The following GSK3A variants were observed in gnomAD, a reference collection of about 807,000 sequenced individuals.
GSK3A encodes the protein glycogen synthase kinase-3 alpha.
Under a neutral mutation model 56.6 loss-of-function variants are expected in GSK3A, and 14 were observed. The observed-to-expected ratio is 0.25, with a 90% CI of 0.16 to 0.39. The LOEUF (loss-of-function observed/expected upper bound fraction) is 0.39. Ranked by LOEUF, GSK3A falls within the 10% of genes least tolerant of loss-of-function variation. The probability of loss-of-function intolerance (pLI) is 1.00; values close to 1 mark genes in which losing one functional copy is unlikely to be tolerated. For missense variants in GSK3A, 450 were observed against 656.0 expected (o/e 0.69, Z 3.43); for synonymous variants, 301 against 285.0 (o/e 1.06, Z -0.56).
rs1385754586 is a variant in GSK3A, at chr19:42,234,924, C to G, written c.667-246G>C. Among the ~76,000 whole-genome samples the G allele has an allele frequency of 6.6e-6, 1 of 152,150 alleles. No individual in the cohort carries two copies. The highest frequency in any genetic ancestry group is 2.4e-5 in the African/African-American group (1 of 41,422). Reference sequence around the variant, plus strand: ...CTGTAATCCCGGTATTTTGGGAGGCCAAGACCAGCCTCGCCAACATGTTGA... The same window carrying G: ...CTGTAATCCCGGTATTTTGGGAGGCGAAGACCAGCCTCGCCAACATGTTGA... On this transcript the variant is annotated intron_variant, in intron 4 of 10. Coordinates refer to ENST00000222330, the MANE Select transcript of GSK3A (RefSeq NM_019884.3). The surrounding 1 kb of genome is among the most constrained non-coding windows in gnomAD (Gnocchi z 5.7).
chr19:42,238,039 C>T (rs1030881194), intron 2 of GSK3A, among the ~76,000 whole-genome samples: 1 of 151,728 alleles, frequency 6.6e-6, no homozygotes, highest in Non-Finnish European at 1.5e-5. Context: ...GCTACCATAC[C>T]CAGCCTTAAA....
In GSK3A at chr19:42,232,136, T is replaced by C; in HGVS notation, c.1299A>G (p.Gln433=). ...GGATGAGAATGGCGTTGAGAGACGG[T>C]TGGATGGAGAGTTCTAGAAACAGGA... ...FNFSAGELSI[Q]PSLNAILIPP... The change falls in exon 10 of 11, where the codon CAA becomes CAG. Residue 433 remains glutamine (Q), a synonymous_variant. Transcript: ENST00000222330. The C allele has an allele frequency of 1.9e-6, 3 of 1,600,790 alleles. No individual in the cohort carries two copies. Among genetic ancestry groups the C allele is most frequent in the Non-Finnish European group, 2.6e-6 (3 of 1,168,888 alleles).
intron 10 of GSK3A, 42 bp downstream of exon 10, chr19:42,232,015 G>A: frequency 8.7e-7 from 1 of 1,148,326 alleles, no homozygotes; most frequent in Non-Finnish European, 1.3e-6. Flanking sequence ...CCCTCTCCAG[G>A]CTGAGAGATA....
chr19:42,238,745 T>C (rs1226661716), intron 2 of GSK3A, among the ~76,000 whole-genome samples: 1 of 151,376 alleles, frequency 6.6e-6, no homozygotes, highest in East Asian at 1.9e-4. Context: ...GCGGATTACT[T>C]GAGGTCAGGA....
At chr19:42,231,057 G>A (rs1217443158) in intron 10 of GSK3A, among the ~76,000 whole-genome samples, 190 bp from the exon 11 acceptor site, 1 of 152,224 alleles carries the variant, frequency 6.6e-6, no homozygotes, top group African/African-American at 2.4e-5. Flanking sequence ...CAGAGTGCCA[G>A]GCTCCATATA....
In GSK3A at chr19:42,230,562, C is replaced by G. The variant is rs1035506343; in HGVS notation, c.*232G>C. ...AAGGGGGTAGGAGGTCCTCATCCCC[C>G]CAACACCCTGTCCTTCTCTTCCCTC... On this transcript the variant is annotated 3_prime_UTR_variant, in exon 11 of 11. Coordinates refer to ENST00000222330, the MANE Select transcript of GSK3A (RefSeq NM_019884.3). 5 of 574,764 alleles carry G rather than the reference C, an allele frequency of 8.7e-6. No homozygotes were observed. The Admixed American group carries it at 1.2e-4, about 14-fold the overall frequency. The allele number at this position is 574,764 out of a possible 1,614,324, so 35.6% of individuals were successfully genotyped here. A position where few individuals can be genotyped will look rare whatever the true frequency, so the allele number is the denominator to read the frequency against.
In GSK3A at chr19:42,233,349, G is replaced by A; in HGVS notation, c.939C>T (p.Leu313=). ...VWSAGCVLAE[L]LLGQPIFPGD... is the part of the protein sequence containing the mutation. ...CAGGGAAGATGGGCTGGCCCAAGAGGAGCTCTGCCAGTACACAGCCAGCTG... is the reference window on the plus strand; with the variant it reads ...CAGGGAAGATGGGCTGGCCCAAGAGAAGCTCTGCCAGTACACAGCCAGCTG... Residue 313 remains leucine (L), a synonymous_variant, in exon 7 of 11, where the codon CTC becomes CTT. Coordinates refer to ENST00000222330, the MANE Select transcript of GSK3A (RefSeq NM_019884.3). The A allele has an allele frequency of 6.3e-7, 1 of 1,588,070 alleles. No homozygotes were observed. Among genetic ancestry groups the A allele is most frequent in the Non-Finnish European group, 8.6e-7 (1 of 1,165,756 alleles).
chr19:42,233,906 C>T (rs1019805528), intron 6 of GSK3A, among the ~76,000 whole-genome samples: 11 of 152,186 alleles, frequency 7.2e-5, no homozygotes, highest in African/African-American at 2.7e-4. Context: ...CATGCCCATT[C>T]CCTCAATTCA....
intron 10 of GSK3A, among the ~76,000 whole-genome samples, chr19:42,231,801 C>T (rs59034717): frequency 6.6e-6 from 1 of 151,498 alleles, no homozygotes; most frequent in Non-Finnish European, 1.5e-5. Context: ...ACTTGGGCAA[C>T]GAATTCAACT....
At chr19:42,235,609 C>T (rs1222790514) in intron 4 of GSK3A, among the ~76,000 whole-genome samples, 3 of 152,186 alleles carry the variant, frequency 2.0e-5, no homozygotes, top group East Asian at 3.8e-4. Context: ...TGTGCTTGGT[C>T]TCCTCCAGGA....
intron 1 of GSK3A, chr19:42,241,163 T>C (rs1466259712): frequency 5.9e-5 from 9 of 151,704 alleles, no homozygotes; most frequent in Non-Finnish European, 1.3e-4. Flanking sequence ...GCCCAGCTAA[T>C]TTTTTATATT....
In GSK3A at chr19:42,236,714, T is replaced by C. The variant is rs752797239; in HGVS notation, c.558A>G (p.Lys186=). Residue 186 remains lysine, a splice_region_variant and synonymous_variant, in exon 4 of 11, where the codon AAA becomes AAG. Transcript: ENST00000222330. The stretch of plus-strand genomic sequence containing the variant: ...GCACCAGATTTAGGTAAAGCTCGTC[T>C]TTCTGCAGGGAGCAAAGGAGAGGTG... ...RYFFYSSGEK[K]DELYLNLVLE... is the part of the protein sequence containing the mutation. 1.1e-5 allele frequency: 18 copies of C among 1,611,448 alleles called. No homozygotes were observed. In the Admixed American group the frequency reaches 2.7e-4, roughly 24 times the overall value.
At chr19:42,240,959 T>C (rs745624335) in intron 1 of GSK3A, 2 of 152,134 alleles carry the variant, frequency 1.3e-5, no homozygotes, top group Non-Finnish European at 2.9e-5. Flanking sequence ...TCTTAGAGGA[T>C]AGTGACCCCT....
At chr19:42,237,162 AT>A (rs34452258) in intron 2 of GSK3A, among the ~76,000 whole-genome samples, 231 of 140,014 alleles carry the variant, frequency 1.6e-3, no homozygotes, top group African/African-American at 4.0e-3. Context: ...TCTTCACCCC[AT>A]TTTTTTTTTT....
At chr19:42,233,491 C>G (rs2036238042) in intron 6 of GSK3A, 108 bp from the exon 7 acceptor site, 7 of 730,250 alleles carry the variant, frequency 9.6e-6, no homozygotes, top group Non-Finnish European at 1.4e-5. Context: ...CCCGTTTTCT[C>G]AAAGACAAAG....
chr19:42,234,264 T>C lies in GSK3A; in HGVS notation c.904+89A>G. 1 of 910,634 alleles carries C rather than the reference T, an allele frequency of 1.1e-6. No homozygotes were observed. The highest frequency in any genetic ancestry group is 1.8e-6 in the Non-Finnish European group (1 of 543,592). The allele number at this position is 910,634 out of a possible 1,614,324, so 56.4% of individuals were successfully genotyped here. A position where few individuals can be genotyped will look rare whatever the true frequency, so the allele number is the denominator to read the frequency against. ...CTGGATACAAGAACAGAAGTTAAGC[T>C]TTCATCACCAAGCTTGGCATACAGC... On this transcript the variant is annotated intron_variant, in intron 6 of 10. Coordinates refer to ENST00000222330, the MANE Select transcript of GSK3A (RefSeq NM_019884.3). This position sits in a 1 kb window ranked among gnomAD's most constrained non-coding sequence, Gnocchi z 5.7.
At position 42,240,005 on chromosome 19, in the gene GSK3A, T is replaced by C. The variant is rs995391049; in HGVS notation, c.421A>G (p.Thr141Ala). The change falls in exon 2 of 11, where the codon ACC becomes GCC. Residue 141 changes from threonine to alanine, a missense_variant. Transcript: ENST00000222330. ...GVVYQARLAE[T>A]RELVAIKKVL... ...TTCTTGATGGCGACTAGTTCCCTGG[T>C]CTCTGCCAGCCGTGCCTGGTACACG... 1.2e-6 allele frequency: 2 copies of C among 1,614,170 alleles called. No individual in the cohort carries two copies. Among genetic ancestry groups the C allele is most frequent in the Non-Finnish European group, 1.7e-6 (2 of 1,180,030 alleles).
chr19:42,240,355 A>G (rs1272489503), intron 1 of GSK3A: 6 of 597,820 alleles, frequency 1.0e-5, no homozygotes, highest in Non-Finnish European at 1.8e-5. Context: ...TCCCCTCCAC[A>G]TAGGAGGATA....
In GSK3A at chr19:42,236,894, C is replaced by T; in HGVS notation, c.519G>A (p.Val173=). The part of the protein sequence containing the change: ...IMRKLDHCNI[V]RLRYFFYSSG... ...TGGAGTAGAAAAAGTATCTCAGCCT[C>T]ACAATATTGCAGTGGTCCAGCTTAC... Residue 173 remains valine, a synonymous_variant, in exon 3 of 11, where the codon GTG becomes GTA. Transcript: ENST00000222330. The T allele has an allele frequency of 6.2e-7, 1 of 1,613,518 alleles. No individual in the cohort carries two copies. The highest frequency in any genetic ancestry group is 8.5e-7 in the Non-Finnish European group (1 of 1,179,462).
Sources: gnomAD v4.1 joint callset for allele counts (sites outside exome capture counted in the v4.1 genomes callset) on GRCh38, gnomAD v4.1.1 for gene constraint, Gnocchi (gnomAD v3.1) non-coding constraint, MANE v1.5 for transcripts, NCBI Gene and HGNC (gene_info 2026-07-23, HGNC 2026-07-21) for gene names.